Variants in FAM107B observed in about 807,000 individuals in gnomAD.
The protein encoded by FAM107B is protein FAM107B.
FAM107B carries 21 observed loss-of-function variants against 31.5 expected under a neutral mutation model. The ratio of observed to expected loss-of-function variants is 0.67; its 90% CI spans 0.47 to 0.96. The LOEUF is 0.96. Among genes scored for constraint, FAM107B ranks in the 40% least tolerant of loss-of-function variants. The pLI is 0.00. For missense variants in FAM107B, 452 were observed against 377.1 expected, an observed-to-expected ratio of 1.20 and a Z score of -1.64; for synonymous variants, 157 against 141.5, an observed-to-expected ratio of 1.11 and a Z score of -0.78.
chr10:14,548,396 T>C (rs1409185699), intron 2 of FAM107B: 3 of 984,686 alleles, frequency 3.0e-6, no homozygotes, highest in Non-Finnish European at 3.6e-6. Context: ...CTTGTGCCCT[T>C]GTACACAGGT....
chr10:14,558,028 C>G (rs944414728), intron 2 of FAM107B, among the ~76,000 whole-genome samples: 1 of 152,232 alleles, frequency 6.6e-6, no homozygotes, highest in Non-Finnish European at 1.5e-5. Context: ...GTCTTTTGAG[C>G]TCCTCCCCGT....
intron 1 of FAM107B, among the ~76,000 whole-genome samples, chr10:14,687,654 G>A (rs1855022351): frequency 6.6e-6 from 1 of 151,912 alleles, no homozygotes; most frequent in Non-Finnish European, 1.5e-5. Context: ...GGAGGGCTGG[G>A]GAGGGGCAGA....
chr10:14,554,619 C>T (rs1849541858), intron 2 of FAM107B, among the ~76,000 whole-genome samples: 1 of 152,140 alleles, frequency 6.6e-6, no homozygotes, highest in Non-Finnish European at 1.5e-5. Context: ...CTGCTTAAGG[C>T]AATAAATAAT....
At chr10:14,631,183 C>T (rs1853345383) in intron 2 of FAM107B, among the ~76,000 whole-genome samples, 1 of 152,152 alleles carries the variant, frequency 6.6e-6, no homozygotes, top group African/African-American at 2.4e-5. Flanking sequence ...AGATGAATCT[C>T]AGTGCATATC....
intron 2 of FAM107B, among the ~76,000 whole-genome samples, chr10:14,569,401 A>ATG (rs141940809): frequency 1.1e-3 from 170 of 151,038 alleles, no homozygotes; most frequent in Admixed American, 2.4e-3. Flanking sequence ...TTGTGCACAT[A>ATG]TGTGTGTGTG....
chr10:14,720,919 C>T lies in FAM107B; in HGVS notation c.412-53228G>A, dbSNP rs145742241. Among the ~76,000 whole-genome samples, 456 of 152,052 alleles carry T rather than the reference C, an allele frequency of 3.0e-3. 11 individuals carry two copies. The East Asian group carries it at 0.045, about 15-fold the overall frequency. On this transcript the variant is annotated intron_variant, in intron 1 of 4. Coordinates refer to ENST00000181796, the MANE Select transcript of FAM107B (RefSeq NM_031453.4). ...TGCAGGTTTGTTACGTAGGTATACGCGTGCCATGTTGGTTTGCTGCACCCA... is the reference window on the plus strand; with the variant it reads ...TGCAGGTTTGTTACGTAGGTATACGTGTGCCATGTTGGTTTGCTGCACCCA...
chr10:14,771,245 G>C (rs1036751930), intron 1 of FAM107B, among the ~76,000 whole-genome samples: 10 of 152,154 alleles, frequency 6.6e-5, no homozygotes, highest in African/African-American at 2.4e-4. Flanking sequence ...GTCACTCACA[G>C]GATGCAAAAT....
At chr10:14,572,145 T>C in intron 2 of FAM107B, 1 of 985,270 alleles carries the variant, frequency 1.0e-6, no homozygotes, top group South Asian at 4.7e-5. Flanking sequence ...AGGAACTGTA[T>C]GCAACTGAAT....
intron 2 of FAM107B, among the ~76,000 whole-genome samples, chr10:14,607,425 G>C (rs911216115): frequency 1.3e-5 from 2 of 152,134 alleles, no homozygotes; most frequent in African/African-American, 4.8e-5. Flanking sequence ...GAGCCACTGT[G>C]GGGGGATCCC....
chr10:14,711,189 G>A (rs1239535359), intron 1 of FAM107B, among the ~76,000 whole-genome samples: 1 of 152,196 alleles, frequency 6.6e-6, no homozygotes, highest in African/African-American at 2.4e-5. Flanking sequence ...GGGATTACAG[G>A]CGTGAGCCAC....
chr10:14,522,672 C>G (rs1477804365), intron 3 of FAM107B, among the ~76,000 whole-genome samples: 1 of 151,948 alleles, frequency 6.6e-6, no homozygotes, highest in East Asian at 1.9e-4. Flanking sequence ...CCTCGGCCTC[C>G]CAAAGTGCTG....
At chr10:14,753,933 C>CT (rs1407588182) in intron 1 of FAM107B, among the ~76,000 whole-genome samples, 1 of 145,708 alleles carries the variant, frequency 6.9e-6, no homozygotes, top group Non-Finnish European at 1.5e-5. Context: ...GATGAAAAGT[C>CT]TTTTTTTTCT....
At chr10:14,618,372 G>T (rs1021200497) in intron 2 of FAM107B, among the ~76,000 whole-genome samples, 2 of 152,104 alleles carry the variant, frequency 1.3e-5, no homozygotes, top group Non-Finnish European at 2.9e-5. Context: ...TCTCACACAG[G>T]TCTGTGTGAG....
At chr10:14,692,819 A>G (rs760447740) in intron 1 of FAM107B, among the ~76,000 whole-genome samples, 22 of 152,310 alleles carry the variant, frequency 1.4e-4, no homozygotes, top group African/African-American at 2.9e-4. Flanking sequence ...GGGTTATTCA[A>G]TTATCCTCTC....
intron 1 of FAM107B, among the ~76,000 whole-genome samples, chr10:14,688,967 T>A (rs1182513291): frequency 6.6e-6 from 1 of 152,214 alleles, no homozygotes; most frequent in Non-Finnish European, 1.5e-5. Flanking sequence ...TTTATTGTAA[T>A]CTAAGGGCAA....
At chr10:14,604,114 A>T in intron 2 of FAM107B, 2 of 340,936 alleles carry the variant, frequency 5.9e-6, no homozygotes, top group Non-Finnish European at 7.8e-6. Flanking sequence ...GCGCACGGGG[A>T]CCCCCCACCC....
At chr10:14,554,699 A>G (rs1588569507) in intron 2 of FAM107B, among the ~76,000 whole-genome samples, 1 of 152,232 alleles carries the variant, frequency 6.6e-6, no homozygotes, top group Admixed American at 6.5e-5. Context: ...CAAGCAGCTA[A>G]TAAGTTTCAA....
intron 2 of FAM107B, among the ~76,000 whole-genome samples, chr10:14,555,554 C>T (rs952619572): frequency 6.6e-6 from 1 of 152,128 alleles, no homozygotes; most frequent in Non-Finnish European, 1.5e-5. Flanking sequence ...TGTTCCCACG[C>T]CATTAGCAAG....
chr10:14,555,633 A>G (rs755798214), intron 2 of FAM107B, among the ~76,000 whole-genome samples: 1 of 152,128 alleles, frequency 6.6e-6, no homozygotes, highest in Non-Finnish European at 1.5e-5. Context: ...ACTTGGAAAA[A>G]TTGGGCATTA....
Sources: gnomAD v4.1 joint callset for allele counts (sites outside exome capture counted in the v4.1 genomes callset) on GRCh38, gnomAD v4.1.1 for gene constraint, MANE v1.5 for transcripts, NCBI Gene and HGNC (gene_info 2026-07-23, HGNC 2026-07-21) for gene names.